Variants in TMEM181 observed in about 807,000 individuals in gnomAD.
TMEM181 encodes G protein-coupled receptor 178.
In TMEM181, 39 loss-of-function variants were observed where a neutral mutation model predicts 71.9. That is an observed-to-expected ratio of 0.54 (90% CI 0.42 to 0.71). The LOEUF is 0.71. Ranked by LOEUF, TMEM181 falls within the 30% of genes least tolerant of loss-of-function variation. The probability of loss-of-function intolerance (pLI) is 0.00; values close to 1 mark genes in which losing one functional copy is unlikely to be tolerated. For synonymous variants in TMEM181, 245 were observed against 228.8 expected (o/e 1.07, Z -0.64); for missense variants, 595 against 583.0 (o/e 1.02, Z -0.21).
chr6:158,615,039 T>G (rs188813244), intron 10 of TMEM181, among the ~76,000 whole-genome samples: 1 of 152,322 alleles, frequency 6.6e-6, no homozygotes, highest in African/African-American at 2.4e-5. Flanking sequence ...TATTTCTAGT[T>G]CTAGATCCTT....
chr6:158,615,891 T>G (rs1785582994), intron 10 of TMEM181, among the ~76,000 whole-genome samples: 1 of 152,204 alleles, frequency 6.6e-6, no homozygotes, highest in African/African-American at 2.4e-5. Context: ...ACTGTAGCCT[T>G]GTAGTATAGT....
In TMEM181 at chr6:158,608,463, G is replaced by C. The variant is rs1785087064; in HGVS notation, c.804G>C (p.Gln268His). 1 of 1,614,060 alleles carries C rather than the reference G, an allele frequency of 6.2e-7. No individual in the cohort carries two copies. Among genetic ancestry groups the C allele is most frequent in the South Asian group, 1.1e-5 (1 of 91,084 alleles). ...WLCVYHGIRVQGERKCLTFYL... is the reference protein window; with the variant it reads ...WLCVYHGIRVHGERKCLTFYL... ...GCGTGTACCACGGGATTCGTGTCCA[G>C]GTGAGCCGGAGCCGCCCTCACTGCC... is the stretch of plus-strand genomic sequence containing the variant. Residue 268 changes from glutamine to histidine, a missense_variant and splice_region_variant, in exon 9 of 17, where the codon CAG becomes CAC. Coordinates refer to ENST00000684151, the MANE Select transcript of TMEM181 (RefSeq NM_001376852.1).
Position 158,544,876 on chromosome 6 carries a change from C to T in TMEM181, c.131+8011C>T, listed in dbSNP as rs1379776265. 5.3e-5 allele frequency among the ~76,000 whole-genome samples: 8 copies of T among 152,302 alleles called. No individual in the cohort carries two copies. In the South Asian group the frequency reaches 1.0e-3, roughly 20 times the overall value. On this transcript the variant is annotated intron_variant, in intron 1 of 16. Transcript: ENST00000367090. ...TCCTTGAGAACGTCATACATGCTTCCATAACTTAAAAAAATTAAATTACCC... is the reference window on the plus strand; with the variant it reads ...TCCTTGAGAACGTCATACATGCTTCTATAACTTAAAAAAATTAAATTACCC...
chr6:158,542,763 C>A (rs1462398107), intron 1 of TMEM181, among the ~76,000 whole-genome samples: 1 of 151,930 alleles, frequency 6.6e-6, no homozygotes, highest in Non-Finnish European at 1.5e-5. Flanking sequence ...GACCACCACA[C>A]CTGGCTAATT....
intron 6 of TMEM181, among the ~76,000 whole-genome samples, chr6:158,603,695 T>G (rs1419158287): frequency 6.6e-6 from 1 of 152,072 alleles, no homozygotes; most frequent in Non-Finnish European, 1.5e-5. Context: ...TCCAAGTCTT[T>G]ATTTAACACA....
At chr6:158,615,042 A>G (rs924771604) in intron 10 of TMEM181, among the ~76,000 whole-genome samples, 1 of 152,198 alleles carries the variant, frequency 6.6e-6, no homozygotes, top group African/African-American at 2.4e-5. Context: ...TTCTAGTTCT[A>G]GATCCTTGAG....
At chr6:158,562,004 G>T (rs1418661931) in intron 1 of TMEM181, among the ~76,000 whole-genome samples, 1 of 152,150 alleles carries the variant, frequency 6.6e-6, no homozygotes, top group Admixed American at 6.5e-5. Flanking sequence ...AGAGCCCAGA[G>T]GTGAGAAAGG....
chr6:158,615,566 A>G (rs1371222545), intron 10 of TMEM181, among the ~76,000 whole-genome samples: 2 of 152,202 alleles, frequency 1.3e-5, no homozygotes, highest in Admixed American at 6.5e-5. Context: ...GCCCATGCCC[A>G]TGTCCTGAAT....
At chr6:158,544,499 G>A (rs1562612050) in intron 1 of TMEM181, among the ~76,000 whole-genome samples, 2 of 152,104 alleles carry the variant, frequency 1.3e-5, no homozygotes, top group Admixed American at 1.3e-4. Context: ...GGGGTATCAC[G>A]GTCACGTAGC....
intron 1 of TMEM181, among the ~76,000 whole-genome samples, chr6:158,544,182 A>AGAGAGTGTGTGT (rs149735409): frequency 6.3e-4 from 80 of 127,646 alleles, no homozygotes; most frequent in Middle Eastern, 3.9e-3. Context: ...AATTGGAGAG[A>AGAGAGTGTGTGT]GTGTGTGTGT....
At position 158,633,285 on chromosome 6, in the gene TMEM181, T is replaced by G. The variant is rs1786760380; in HGVS notation, c.*1397T>G. On this transcript the variant is annotated 3_prime_UTR_variant, in exon 17 of 17. Coordinates refer to ENST00000684151, the MANE Select transcript of TMEM181 (RefSeq NM_001376852.1). ...ATGGCGGTCAGGTAGGGACGACCTG[T>G]TCTGTAAAGTCCTTGGCACTGCTGA... The G allele has an allele frequency of 6.6e-6, 1 of 152,170 alleles. No individual in the cohort carries two copies. The highest frequency in any genetic ancestry group is 2.4e-5 in the African/African-American group (1 of 41,444). 9.4% of individuals were successfully genotyped at this position (152,170 alleles called of 1,614,324 possible).
chr6:158,601,759 A>G (rs1022662063), intron 6 of TMEM181, among the ~76,000 whole-genome samples: 17 of 133,688 alleles, frequency 1.3e-4, no homozygotes, highest in East Asian at 3.9e-4. Flanking sequence ...ACTGTCTCAG[A>G]AAAAAAAAAA....
At chr6:158,555,547 AC>A (rs1781853550), upstream of TMEM181, among the ~76,000 whole-genome samples, 1 of 152,260 alleles carries the variant, frequency 6.6e-6, no homozygotes, top group East Asian at 1.9e-4. Flanking sequence ...AGAAGACTCT[AC>A]ATGCTAACTG....
At chr6:158,572,242 T>C (rs1453485379) in intron 1 of TMEM181, among the ~76,000 whole-genome samples, 4 of 152,198 alleles carry the variant, frequency 2.6e-5, no homozygotes, top group African/African-American at 9.7e-5. Context: ...TGCGGGGATG[T>C]GGGCACGCAG....
At chr6:158,571,058 A>T (rs1314047160) in intron 1 of TMEM181, among the ~76,000 whole-genome samples, 1 of 151,700 alleles carries the variant, frequency 6.6e-6, no homozygotes, top group Non-Finnish European at 1.5e-5. Context: ...GATTACAGGC[A>T]TGTGCCACCA....
chr6:158,605,154 G>GTA lies in TMEM181; in HGVS notation c.493-112_493-111insAT, dbSNP rs1554227514. 5 of 576,414 alleles carry GTA rather than the reference G, an allele frequency of 8.7e-6. No homozygotes were observed. The African/African-American group carries it at 9.9e-5, about 11-fold the overall frequency. 35.7% of individuals were successfully genotyped at this position (576,414 alleles called of 1,614,324 possible). A position where few individuals can be genotyped will look rare whatever the true frequency, so the allele number is the denominator to read the frequency against. On this transcript the variant is annotated intron_variant, in intron 6 of 16. Transcript: ENST00000684151. Reference sequence around the variant, plus strand: ...AAAGTGTGTGTGTGTGTGTGTGTGTGTGTGTATGTGTATATATTGTCTCAT... The same window carrying GTA: ...AAAGTGTGTGTGTGTGTGTGTGTGTGTATGTGTATGTGTATATATTGTCTCAT...
intron 6 of TMEM181, 113 bp from the exon 7 acceptor site, chr6:158,605,154 G>A (rs62437851): frequency 0.28 from 161,753 of 576,162 alleles, 32,447 homozygotes; most frequent in East Asian, 0.62. Context: ...GTGTGTGTGT[G>A]TGTGTATGTG....
intron 1 of TMEM181, among the ~76,000 whole-genome samples, chr6:158,560,766 G>A (rs992274517): frequency 7.9e-5 from 12 of 152,220 alleles, no homozygotes; most frequent in Non-Finnish European, 5.9e-5. Context: ...TGGACTCGGG[G>A]TGTCGAGTTA....
At chr6:158,554,142 A>G (rs1781804137) in intron 1 of TMEM181, among the ~76,000 whole-genome samples, 1 of 151,190 alleles carries the variant, frequency 6.6e-6, no homozygotes, top group South Asian at 2.1e-4. Flanking sequence ...CTGGAGTACA[A>G]TGGCCCGGTC....
Sources: gnomAD v4.1 joint callset for allele counts (sites outside exome capture counted in the v4.1 genomes callset) on GRCh38, gnomAD v4.1.1 for gene constraint, MANE v1.5 for transcripts, NCBI Gene and HGNC (gene_info 2026-07-23, HGNC 2026-07-21) for gene names.